The following BCL2L1 variants were observed in gnomAD, a reference collection of about 807,000 sequenced individuals.
The protein encoded by BCL2L1 is bcl-2-like protein 1.
Under a neutral mutation model 18.7 loss-of-function variants are expected in BCL2L1, and 1 was observed. That is an observed-to-expected ratio of 0.05 (90% CI 0.02 to 0.25). BCL2L1 has a LOEUF of 0.25. Ranked by LOEUF, BCL2L1 falls within the 10% of genes least tolerant of loss-of-function variation. BCL2L1 has a pLI of 1.00. For missense variants in BCL2L1, 207 were observed against 304.9 expected, an observed-to-expected ratio of 0.68 and a Z score of 2.39; for synonymous variants, 103 against 122.7, an observed-to-expected ratio of 0.84 and a Z score of 1.06.
intron 2 of BCL2L1, among the ~76,000 whole-genome samples, chr20:31,674,667 C>T (rs1473178556): frequency 2.6e-5 from 4 of 151,890 alleles, no homozygotes; most frequent in Admixed American, 6.6e-5. Context: ...CTCAGGAGTT[C>T]GAGACCAGCC....
rs1600735713 is a variant in BCL2L1 at position 31,665,825 on chromosome 20, C to T, written c.*124G>A. On this transcript the variant is annotated 3_prime_UTR_variant, in exon 3 of 3. Transcript: ENST00000307677. Reference sequence around the variant, plus strand: ...GCAAGGGACCAGATCTGGGCCCAACCCTGTGATGGGCAGGTGGGCATGGGC... The same window carrying T: ...GCAAGGGACCAGATCTGGGCCCAACTCTGTGATGGGCAGGTGGGCATGGGC... The T allele has an allele frequency of 5.3e-6, 7 of 1,329,518 alleles. No individual in the cohort carries two copies. Among genetic ancestry groups the T allele is most frequent in the East Asian group, 2.3e-5 (1 of 42,760 alleles). The allele number at this position is 1,329,518 out of a possible 1,614,324, so 82.4% of individuals were successfully genotyped here. A position where few individuals can be genotyped will look rare whatever the true frequency, so the allele number is the denominator to read the frequency against.
intron 2 of BCL2L1, among the ~76,000 whole-genome samples, chr20:31,692,148 G>A (rs2061085847): frequency 6.6e-6 from 1 of 152,220 alleles, no homozygotes. Context: ...CTTTGGGGGT[G>A]GAGCCCAGCA....
rs573095220 is a variant in BCL2L1, at chr20:31,702,704, G to A, written c.564+18951C>T. Among the ~76,000 whole-genome samples, 10 of 150,976 alleles carry A rather than the reference G, an allele frequency of 6.6e-5. No individual in the cohort carries two copies. In the East Asian group the frequency reaches 1.2e-3, roughly 18 times the overall value. ...AATTTTGTATTTTTAGTAGAGACGG[G>A]TTTCTCCATGTTGGTCAGGCTGGTC... On this transcript the variant is annotated intron_variant, in intron 2 of 2. Coordinates refer to ENST00000307677, the MANE Select transcript of BCL2L1 (RefSeq NM_138578.3).
intron 2 of BCL2L1, among the ~76,000 whole-genome samples, chr20:31,689,447 A>G (rs544270065): frequency 2.7e-4 from 41 of 149,368 alleles, no homozygotes; most frequent in African/African-American, 1.0e-3. Context: ...AAAAAAAAAA[A>G]GAAAGAAAGA....
At chr20:31,673,533 T>C (rs1461773186) in intron 2 of BCL2L1, among the ~76,000 whole-genome samples, 4 of 150,384 alleles carry the variant, frequency 2.7e-5, no homozygotes, top group Admixed American at 6.6e-5. Flanking sequence ...TATGCATCTA[T>C]GGTCTCAGCA....
At position 31,712,768 on chromosome 20, in the gene BCL2L1, G is replaced by A. The variant is rs537682903; in HGVS notation, c.564+8887C>T. ...GCCTGACTCGGGGGAACAAAGGCAC[G>A]TGTGTATGTGTGTGTGGCCAGGGAG... On this transcript the variant is annotated intron_variant, in intron 2 of 2. Coordinates refer to ENST00000307677, the MANE Select transcript of BCL2L1 (RefSeq NM_138578.3). 5.3e-5 allele frequency among the ~76,000 whole-genome samples: 8 copies of A among 152,212 alleles called. No homozygotes were observed. The East Asian group carries it at 1.5e-3, about 29-fold the overall frequency.
At chr20:31,666,897 A>T (rs960828339) in intron 2 of BCL2L1, among the ~76,000 whole-genome samples, 1 of 152,150 alleles carries the variant, frequency 6.6e-6, no homozygotes, top group Non-Finnish European at 1.5e-5. Context: ...GGGAAGGAGG[A>T]GCTGTGGGCT....
chr20:31,717,276 C>T (rs1007085509), intron 2 of BCL2L1, among the ~76,000 whole-genome samples: 1 of 152,182 alleles, frequency 6.6e-6, no homozygotes, highest in African/African-American at 2.4e-5. Context: ...GGCCTCAGGA[C>T]AGATATCTGC....
chr20:31,710,975 G>A (rs1046085091), intron 2 of BCL2L1, among the ~76,000 whole-genome samples: 1 of 152,146 alleles, frequency 6.6e-6, no homozygotes, highest in Non-Finnish European at 1.5e-5. Context: ...ACGCTTATAG[G>A]CTTTTGCATC....
intron 2 of BCL2L1, among the ~76,000 whole-genome samples, chr20:31,679,042 A>G (rs6060652): frequency 0.42 from 63,627 of 152,110 alleles, 17,280 homozygotes; most frequent in African/African-American, 0.77. Context: ...TGTCAGCCTC[A>G]TACTCTTCTC....
intron 2 of BCL2L1, among the ~76,000 whole-genome samples, chr20:31,696,557 A>G (rs2061174114): frequency 6.6e-6 from 1 of 152,198 alleles, no homozygotes; most frequent in Admixed American, 6.5e-5. Context: ...CTGGCGTACC[A>G]AGGTCTCCCA....
upstream of BCL2L1, chr20:31,723,603 G>A: frequency 1.0e-6 from 1 of 985,462 alleles, no homozygotes. Context: ...ACCTTCCTGA[G>A]AGGAGGGGCC....
chr20:31,680,765 C>T (rs891896748), intron 2 of BCL2L1, among the ~76,000 whole-genome samples: 2 of 152,242 alleles, frequency 1.3e-5, no homozygotes, highest in Non-Finnish European at 2.9e-5. Flanking sequence ...AAAATTCGTA[C>T]CTGTATGAGT....
At chr20:31,666,154 G>A in intron 2 of BCL2L1, 68 bp from the exon 3 acceptor site, 2 of 1,578,432 alleles carry the variant, frequency 1.3e-6, no homozygotes, top group Non-Finnish European at 1.7e-6. Flanking sequence ...TGGGGAAAGG[G>A]GCCATCTGCA....
chr20:31,710,487 T>A (rs568961447), intron 2 of BCL2L1, among the ~76,000 whole-genome samples: 20 of 152,370 alleles, frequency 1.3e-4, no homozygotes, highest in African/African-American at 4.8e-4. Flanking sequence ...TATGATTATT[T>A]AAGCTGTCAG....
intron 2 of BCL2L1, among the ~76,000 whole-genome samples, chr20:31,697,691 C>A (rs759165581): frequency 2.6e-5 from 4 of 152,126 alleles, no homozygotes; most frequent in Non-Finnish European, 5.9e-5. Context: ...CCCACCTCAT[C>A]CTCCCAAAGT....
chr20:31,687,422 C>G (rs2060977247), intron 2 of BCL2L1, among the ~76,000 whole-genome samples: 1 of 151,546 alleles, frequency 6.6e-6, no homozygotes, highest in Non-Finnish European at 1.5e-5. Flanking sequence ...GAGGCGTCGG[C>G]CTCCCAAAGG....
intron 2 of BCL2L1, among the ~76,000 whole-genome samples, chr20:31,710,196 G>T (rs954187775): frequency 6.6e-6 from 1 of 152,164 alleles, no homozygotes; most frequent in Non-Finnish European, 1.5e-5. Context: ...GATAAAGCCC[G>T]TGTACTCCGA....
intron 2 of BCL2L1, among the ~76,000 whole-genome samples, chr20:31,675,111 G>A (rs2060738925): frequency 6.6e-6 from 1 of 152,176 alleles, no homozygotes; most frequent in Non-Finnish European, 1.5e-5. Context: ...TGGCTTCAGT[G>A]AGGAACAAGC....
Sources: gnomAD v4.1 joint callset for allele counts (sites outside exome capture counted in the v4.1 genomes callset) on GRCh38, gnomAD v4.1.1 for gene constraint, MANE v1.5 for transcripts, NCBI Gene and HGNC (gene_info 2026-07-23, HGNC 2026-07-21) for gene names.